Variants in ADH6 observed in about 807,000 individuals in gnomAD.
The protein encoded by ADH6 is alcohol dehydrogenase 6.
In ADH6, 34 loss-of-function variants were observed where a neutral mutation model predicts 36.5. The ratio of observed to expected loss-of-function variants is 0.93; its 90% confidence interval spans 0.71 to 1.24. The LOEUF is 1.24. Among genes scored for constraint, ADH6 ranks in the 50% most tolerant of loss-of-function variants. The probability of loss-of-function intolerance (pLI) is 0.00; values close to 1 mark genes in which losing one functional copy is unlikely to be tolerated. For synonymous variants in ADH6, 161 were observed against 155.5 expected (o/e 1.04, Z -0.26); for missense variants, 440 against 447.0 (o/e 0.98, Z 0.14).
intron 6 of ADH6, 135 bp downstream of exon 6, chr4:99,208,533 C>A (rs1315789472): frequency 2.4e-5 from 24 of 984,234 alleles, no homozygotes; most frequent in Non-Finnish European, 3.6e-5. Flanking sequence ...ACAGACGGCA[C>A]CAGCTGAGAT....
intron 8 of ADH6, 70 bp downstream of exon 8, chr4:99,204,855 A>G: frequency 6.6e-7 from 1 of 1,511,058 alleles, no homozygotes; most frequent in African/African-American, 1.4e-5. Context: ...CCCTTCTTCT[A>G]CTCCCAAGCC....
At chr4:99,217,298 A>G (rs1049532643) in intron 1 of ADH6, among the ~76,000 whole-genome samples, 2 of 152,030 alleles carry the variant, frequency 1.3e-5, no homozygotes, top group African/African-American at 4.8e-5. Flanking sequence ...GGCCTCCCAA[A>G]GTGCTGGGAT....
chr4:99,216,334 G>T, intron 1 of ADH6, 72 bp from the exon 2 acceptor site: 1 of 887,110 alleles, frequency 1.1e-6, no homozygotes. Context: ...CTATATTAGT[G>T]ATTATAGAAT....
intron 1 of ADH6, among the ~76,000 whole-genome samples, chr4:99,217,240 G>T (rs1450668525): frequency 6.6e-6 from 1 of 152,084 alleles, no homozygotes; most frequent in Admixed American, 6.5e-5. Flanking sequence ...GTTTCACTGT[G>T]TTAGCCAGGA....
Position 99,204,392 on chromosome 4 carries a change from A to AT in ADH6, c.1104-150dup, listed in dbSNP as rs1025723958. ...AGAAGATTAAATAAGCCATGGGAAG[A>AT]TTTTTTAAAATGACATGAAACTCCA... On this transcript the variant is annotated intron_variant, in intron 8 of 8. Coordinates refer to ENST00000394899, the MANE Select transcript of ADH6 (RefSeq NM_001102470.2). The AT allele has an allele frequency of 1.1e-5, 15 of 1,414,602 alleles. No homozygotes were observed. The African/African-American group carries it at 2.1e-4, about 19-fold the overall frequency. 87.6% of individuals were successfully genotyped at this position (1,414,602 alleles called of 1,614,324 possible). A position where few individuals can be genotyped will look rare whatever the true frequency, so the allele number is the denominator to read the frequency against.
At position 99,204,912 on chromosome 4, in the gene ADH6, G is replaced by A; in HGVS notation, c.1103+13C>T. 6.3e-7 allele frequency: 1 copy of A among 1,599,106 alleles called. No homozygotes were observed. The highest frequency in any genetic ancestry group is 1.3e-5 in the African/African-American group (1 of 74,290). On this transcript the variant is annotated intron_variant, in intron 8 of 8. Coordinates refer to ENST00000394899, the MANE Select transcript of ADH6 (RefSeq NM_001102470.2). ...TCAAACACACAGACATAAAATTTAT[G>A]TGGGCAGTTTACCATTTTCCAGTTT...
Position 99,204,238 on chromosome 4 carries a change from C to A in ADH6, c.1109G>T (p.Arg370Leu). 1 of 1,599,344 alleles carries A rather than the reference C, an allele frequency of 6.3e-7. No individual in the cohort carries two copies. Among genetic ancestry groups the A allele is most frequent in the Non-Finnish European group, 8.5e-7 (1 of 1,177,552 alleles). The change falls in exon 9 of 9, where the codon CGC becomes CTC. Residue 370 changes from arginine (R) to leucine (L), a missense_variant. Transcript: ENST00000394899. ...TTGTACTTAAAGTAACAGGATACAG[C>A]GGATACTGAAAAAAAGAAGAAGAGA... ...VELMKTGKCI[R>L]CILLL
intron 7 of ADH6, among the ~76,000 whole-genome samples, chr4:99,205,582 G>A (rs551582324): frequency 1.3e-5 from 2 of 152,176 alleles, no homozygotes; most frequent in East Asian, 3.9e-4. Flanking sequence ...AGCAATATAA[G>A]AATAAAATGT....
chr4:99,216,843 CA>C lies in ADH6; in HGVS notation c.19-582del, dbSNP rs113757105. Among the ~76,000 whole-genome samples the C allele has an allele frequency of 2.9e-3, 406 of 140,036 alleles. 4 individuals are homozygous for C. The highest frequency in any genetic ancestry group is 4.1e-3 in the Middle Eastern group (1 of 244). The allele number at this position is 140,036 out of a possible 152,430, so 91.9% of individuals were successfully genotyped here. ...CTGTCAACAGAGCGAGACTCCATCT[CA>C]AAAAAAAAAAATTGTGCCTATTTAT... On this transcript the variant is annotated intron_variant, in intron 1 of 8. Coordinates refer to ENST00000394899, the MANE Select transcript of ADH6 (RefSeq NM_001102470.2).
rs759927669 is a variant in ADH6 at position 99,204,883 on chromosome 4, G to T, written c.1103+42C>A. The T allele has an allele frequency of 4.5e-6, 7 of 1,565,136 alleles. No homozygotes were observed. In the Middle Eastern group the frequency reaches 6.9e-4, roughly 153 times the overall value. On this transcript the variant is annotated intron_variant, in intron 8 of 8. Coordinates refer to ENST00000394899, the MANE Select transcript of ADH6 (RefSeq NM_001102470.2). ...CCCAAGCCAATACACCCTTTCTCTT[G>T]GTCTCAAACACACAGACATAAAATT...
Position 99,213,640 on chromosome 4 carries a change from C to CGT in ADH6, c.227_228insAC (p.Ser77ArgfsTer7). On this transcript the variant is annotated frameshift_variant, in exon 3 of 9. Transcript: ENST00000394899. LOFTEE classifies it high-confidence loss of function. ...CTGTGCTTACTCCTTCTCCAATACT[C>CGT]TCAACGATTCCAGCCCCTTCATGGC... 1 of 1,613,648 alleles carries CGT rather than the reference C, an allele frequency of 6.2e-7. No homozygotes were observed. The highest frequency in any genetic ancestry group is 8.5e-7 in the Non-Finnish European group (1 of 1,179,838).
At chr4:99,214,051 T>C (rs1018530396) in intron 2 of ADH6, among the ~76,000 whole-genome samples, 1 of 152,152 alleles carries the variant, frequency 6.6e-6, no homozygotes, top group South Asian at 2.1e-4. Context: ...ATTGGCTTCA[T>C]TGATCTTGTA....
At position 99,202,952 on chromosome 4, in the gene ADH6, C is replaced by T; in HGVS notation, c.*1267G>A. 2.5e-6 allele frequency: 1 copy of T among 395,160 alleles called. No individual in the cohort carries two copies. Among genetic ancestry groups the T allele is most frequent in the Non-Finnish European group, 4.5e-6 (1 of 224,160 alleles). The allele number at this position is 395,160 out of a possible 1,614,324, so 24.5% of individuals were successfully genotyped here. ...GGAAGCAGGCCCCTAAAGGGAAACA[C>T]AGGATGCCCAACTCATAAGAATCAG... On this transcript the variant is annotated 3_prime_UTR_variant, in exon 9 of 9. Coordinates refer to ENST00000394899, the MANE Select transcript of ADH6 (RefSeq NM_001102470.2).
chr4:99,217,136 T>G (rs549593982), intron 1 of ADH6, among the ~76,000 whole-genome samples: 16 of 152,136 alleles, frequency 1.1e-4, no homozygotes, highest in Non-Finnish European at 1.8e-4. Context: ...TCCGGGTTCA[T>G]GCCATTCTCC....
chr4:99,207,310 TATTCATATGTTGAAAAAAAA>T, intron 7 of ADH6, 116 bp downstream of exon 7: 1 of 1,095,362 alleles, frequency 9.1e-7, no homozygotes, highest in African/African-American at 1.6e-5. Context: ...TTATATTGGG[TATTCATATGTTGAAAAAAAA>T]AATCTGTAAT....
chr4:99,208,175 C>A (rs936874061), intron 6 of ADH6, among the ~76,000 whole-genome samples: 1 of 152,118 alleles, frequency 6.6e-6, no homozygotes, highest in Non-Finnish European at 1.5e-5. Context: ...AGCCATGCAA[C>A]CTAATAATAC....
chr4:99,211,606 A>T (rs1483794216), intron 3 of ADH6, among the ~76,000 whole-genome samples: 1 of 152,190 alleles, frequency 6.6e-6, no homozygotes, highest in Non-Finnish European at 1.5e-5. Flanking sequence ...GCTACATGGC[A>T]AGGGGTACTC....
intron 1 of ADH6, among the ~76,000 whole-genome samples, chr4:99,217,799 G>A (rs1344234219): frequency 6.6e-6 from 1 of 152,094 alleles, no homozygotes; most frequent in East Asian, 1.9e-4. Context: ...GCTGTTTCAG[G>A]GTAGGAATGG....
chr4:99,216,160 C>G lies in ADH6; in HGVS notation c.120+1G>C. On this transcript the variant is annotated splice_donor_variant, in intron 2 of 8. Coordinates refer to ENST00000394899, the MANE Select transcript of ADH6 (RefSeq NM_001102470.2). LOFTEE classifies it high-confidence loss of function. ...ATTTTTTTTTTTTTTTTTTTTTTTA[C>G]CTTTATGCGAACTTCCTTTGCCTTT... The G allele has an allele frequency of 1.3e-6, 1 of 787,714 alleles. No individual in the cohort carries two copies. Among genetic ancestry groups the G allele is most frequent in the Non-Finnish European group, 1.7e-6 (1 of 592,160 alleles). 48.8% of individuals were successfully genotyped at this position (787,714 alleles called of 1,614,324 possible).
Sources: gnomAD v4.1 joint callset for allele counts (sites outside exome capture counted in the v4.1 genomes callset) on GRCh38, gnomAD v4.1.1 for gene constraint, MANE v1.5 for transcripts, NCBI Gene and HGNC (gene_info 2026-07-23, HGNC 2026-07-21) for gene names.